CFAP100: variants seen among roughly 807,000 people sequenced by gnomAD.
The protein encoded by CFAP100 is cilia and flagella associated protein 100, also known as cilia- and flagella-associated protein 100.
CFAP100 carries 70 observed loss-of-function variants against 81.5 expected under a neutral mutation model. The observed-to-expected ratio is 0.86, with a 90% CI of 0.71 to 1.05. The LOEUF is 1.05. CFAP100 is among the 50% of genes least tolerant of loss of function. The pLI is 0.00. For missense variants in CFAP100, 811 were observed against 776.5 expected (o/e 1.04, Z -0.53); for synonymous variants, 341 against 314.8 (o/e 1.08, Z -0.88).
At chr3:126,419,861 G>A (rs778828028) in intron 9 of CFAP100, 43 bp downstream of exon 9, 5 of 1,609,892 alleles carry the variant, frequency 3.1e-6, no homozygotes, top group Non-Finnish European at 4.2e-6. Flanking sequence ...GGCTCTGCCA[G>A]TGGCCCACTG....
At chr3:126,426,143 T>C (rs1466854270) in intron 13 of CFAP100, among the ~76,000 whole-genome samples, 1 of 152,218 alleles carries the variant, frequency 6.6e-6, no homozygotes, top group Non-Finnish European at 1.5e-5. Flanking sequence ...TGAATGTCTA[T>C]GTAGAAAATT....
chr3:126,434,460 C>G lies in CFAP100; in HGVS notation c.1628+79C>G, dbSNP rs1323083766. 3 of 1,382,080 alleles carry G rather than the reference C, an allele frequency of 2.2e-6. No homozygotes were observed. In the African/African-American group the frequency reaches 4.3e-5, roughly 20 times the overall value. 85.6% of individuals were successfully genotyped at this position (1,382,080 alleles called of 1,614,324 possible). ...AGAGGGCACATACAGGCCCCACCCT[C>G]AAAGCACTCCCAGGAGACAGGCCCC... On this transcript the variant is annotated intron_variant, in intron 15 of 16. Transcript: ENST00000352312.
intron 13 of CFAP100, among the ~76,000 whole-genome samples, chr3:126,430,660 T>G (rs1200499907): frequency 6.6e-6 from 1 of 151,962 alleles, no homozygotes; most frequent in African/African-American, 2.4e-5. Flanking sequence ...TCATGTGACC[T>G]ATCTCTGAGT....
At chr3:126,406,236 C>T (rs1259991956) in intron 2 of CFAP100, among the ~76,000 whole-genome samples, 1 of 152,198 alleles carries the variant, frequency 6.6e-6, no homozygotes, top group Non-Finnish European at 1.5e-5. Context: ...GCCTGTCCCA[C>T]AAGACTCCCG....
chr3:126,418,915 G>T, intron 7 of CFAP100, 141 bp downstream of exon 7: 1 of 1,148,022 alleles, frequency 8.7e-7, no homozygotes, highest in South Asian at 1.5e-5. Flanking sequence ...GGAGCCAAGG[G>T]CAGGGGACAC....
intron 3 of CFAP100, among the ~76,000 whole-genome samples, chr3:126,408,935 C>T (rs73206890): frequency 0.12 from 19,007 of 152,102 alleles, 1,238 homozygotes; most frequent in South Asian, 0.21. Flanking sequence ...ACAACAGGTG[C>T]GCACCAACAC....
chr3:126,400,757 A>G (rs113157073), intron 2 of CFAP100, among the ~76,000 whole-genome samples: 5 of 152,222 alleles, frequency 3.3e-5, no homozygotes, highest in South Asian at 2.1e-4. Context: ...GTCTCAAAAA[A>G]AAAAGAAAAG....
At chr3:126,396,234 TG>T (rs2082887149) in intron 2 of CFAP100, among the ~76,000 whole-genome samples, 185 bp downstream of exon 2, 1 of 152,046 alleles carries the variant, frequency 6.6e-6, no homozygotes, top group Admixed American at 6.6e-5. Context: ...CACCACAAAC[TG>T]GGGGGCTGGA....
At chr3:126,417,756 C>G (rs1277808772) in intron 5 of CFAP100, among the ~76,000 whole-genome samples, 1 of 152,218 alleles carries the variant, frequency 6.6e-6, no homozygotes, top group Non-Finnish European at 1.5e-5. Flanking sequence ...GAACAGAGCT[C>G]TTGCACCAGC....
chr3:126,397,965 G>A (rs2082914177), intron 2 of CFAP100, among the ~76,000 whole-genome samples: 1 of 152,248 alleles, frequency 6.6e-6, no homozygotes, highest in Non-Finnish European at 1.5e-5. Context: ...TGAGGTGGGA[G>A]TGGGCGTGGT....
intron 8 of CFAP100, 44 bp downstream of exon 8, chr3:126,419,200 G>T (rs1430424619): frequency 3.8e-6 from 5 of 1,321,860 alleles, no homozygotes; most frequent in Non-Finnish European, 4.2e-6. Flanking sequence ...CCCACCTCCT[G>T]GTCCCTCAGT....
At chr3:126,413,397 G>A (rs2083187670) in intron 3 of CFAP100, among the ~76,000 whole-genome samples, 1 of 152,230 alleles carries the variant, frequency 6.6e-6, no homozygotes, top group Admixed American at 6.5e-5. Context: ...CATTTCTGGG[G>A]GGTTGGGGTT....
intron 2 of CFAP100, among the ~76,000 whole-genome samples, chr3:126,396,337 G>C (rs944044917): frequency 4.6e-5 from 7 of 152,192 alleles, no homozygotes; most frequent in African/African-American, 1.7e-4. Context: ...CTCTGAGCGA[G>C]AACCCATTCC....
chr3:126,401,555 C>T (rs2082982901), intron 2 of CFAP100, among the ~76,000 whole-genome samples: 1 of 151,134 alleles, frequency 6.6e-6, no homozygotes, highest in Non-Finnish European at 1.5e-5. Context: ...GAGGCTGATT[C>T]AGTGATTGTG....
intron 2 of CFAP100, among the ~76,000 whole-genome samples, chr3:126,405,901 C>T (rs141025469): frequency 6.6e-5 from 10 of 152,094 alleles, no homozygotes; most frequent in Admixed American, 6.5e-5. Flanking sequence ...GATCCTCCCC[C>T]CTCAGCCTCC....
intron 14 of CFAP100, 186 bp from the exon 15 acceptor site, chr3:126,433,990 G>T (rs1933344158): frequency 1.7e-6 from 1 of 587,860 alleles, no homozygotes. Context: ...GGGCCCGGGG[G>T]ATAGGCTGCT....
intron 13 of CFAP100, among the ~76,000 whole-genome samples, chr3:126,432,282 C>CAAAAAAAAAAAAAA (rs58421889): frequency 3.9e-5 from 3 of 76,722 alleles, no homozygotes; most frequent in Non-Finnish European, 6.8e-5. Context: ...GACTCCGTCT[C>CAAAAAAAAAAAAAA]AAAAAAAAAA....
At chr3:126,402,873 G>A (rs887523331) in intron 2 of CFAP100, among the ~76,000 whole-genome samples, 1 of 152,218 alleles carries the variant, frequency 6.6e-6, no homozygotes. Flanking sequence ...CAATCACAGA[G>A]AACCAGCAAA....
At position 126,416,801 on chromosome 3, in the gene CFAP100, T is replaced by A. The variant is rs1034457634; in HGVS notation, c.418+293T>A. ...CGGAGCTGAAAGTAGGTGAGTACAA[T>A]ACAGCAAGATATTTTGAGAAAGAGA... On this transcript the variant is annotated intron_variant, in intron 5 of 16. Coordinates refer to ENST00000352312, the MANE Select transcript of CFAP100 (RefSeq NM_182628.3). The A allele has an allele frequency of 2.0e-4, 62 of 304,532 alleles. 1 individual carries two copies. Among genetic ancestry groups the A allele is most frequent in the Non-Finnish European group, 3.5e-4 (58 of 167,446 alleles). 18.9% of individuals were successfully genotyped at this position (304,532 alleles called of 1,614,324 possible).
Sources: allele counts gnomAD v4.1 joint callset (sites outside exome capture counted in the v4.1 genomes callset), GRCh38; gene constraint gnomAD v4.1.1; transcripts MANE v1.5; gene names NCBI Gene and HGNC (gene_info 2026-07-23, HGNC 2026-07-21).